Variants in STRADA observed in about 807,000 individuals in gnomAD.
STRADA encodes the protein STE20-related kinase adapter protein alpha.
In STRADA, 26 loss-of-function variants were observed where a neutral mutation model predicts 55.0. That is an observed-to-expected ratio of 0.47 (90% CI 0.35 to 0.66). The LOEUF is 0.66. Ranked by LOEUF, STRADA falls within the 30% of genes least tolerant of loss-of-function variation. The pLI is 0.01. For synonymous variants in STRADA, 197 were observed against 210.9 expected (o/e 0.93, Z 0.57); for missense variants, 443 against 549.7 (o/e 0.81, Z 1.94).
rs1333432538 is a variant in STRADA at position 63,706,750 on chromosome 17, A to T, written c.754-11T>A. The T allele has an allele frequency of 6.2e-7, 1 of 1,606,654 alleles. No individual in the cohort carries two copies. The highest frequency in any genetic ancestry group is 8.5e-7 in the Non-Finnish European group (1 of 1,174,120). ...ATAACCCTGGAGATTCTAAGCCAGA[A>T]AAAAAAGGCCACAGATTACCCCATT... On this transcript the variant is annotated splice_polypyrimidine_tract_variant and intron_variant, in intron 9 of 12. Transcript: ENST00000336174.
At chr17:63,723,752 T>C (rs530072369) in intron 3 of STRADA, 222 of 156,164 alleles carry the variant, frequency 1.4e-3, no homozygotes, top group Non-Finnish European at 2.5e-3. Context: ...AGAAAACATG[T>C]TTTTTCAAAA....
At chr17:63,721,149 G>A (rs564854939) in intron 4 of STRADA, among the ~76,000 whole-genome samples, 2 of 151,156 alleles carry the variant, frequency 1.3e-5, no homozygotes, top group South Asian at 2.1e-4. Context: ...CGAGGCAGGC[G>A]GATCACAAGG....
chr17:63,740,175 C>CACAT (rs2038834972), intron 1 of STRADA, among the ~76,000 whole-genome samples: 1 of 143,958 alleles, frequency 6.9e-6, no homozygotes, highest in African/African-American at 2.7e-5. Flanking sequence ...CACACACACA[C>CACAT]ACACACACAA....
rs1230074670 is a variant in STRADA, at chr17:63,726,696, C to A, written c.37-1G>T. On this transcript the variant is annotated splice_acceptor_variant, in intron 2 of 12. Coordinates refer to ENST00000336174, the MANE Select transcript of STRADA (RefSeq NM_001003787.4). LOFTEE classifies it high-confidence loss of function. ...CAATGAACTTTTCCGAGACCCACCG[C>A]TAAAGAGGAAAACCCCAAAGAGAAT... 6.2e-7 allele frequency: 1 copy of A among 1,614,044 alleles called. No individual in the cohort carries two copies.
chr17:63,740,562 A>G (rs2038867286), intron 1 of STRADA, among the ~76,000 whole-genome samples: 1 of 152,128 alleles, frequency 6.6e-6, no homozygotes, highest in Non-Finnish European at 1.5e-5. Flanking sequence ...CCCAGCAAAC[A>G]TTTATGGCAA....
chr17:63,721,813 G>A (rs1196786763), intron 4 of STRADA, among the ~76,000 whole-genome samples: 1 of 152,186 alleles, frequency 6.6e-6, no homozygotes, highest in Non-Finnish European at 1.5e-5. Context: ...CTAGTCCAGT[G>A]ATAGCAACTG....
intron 1 of STRADA, among the ~76,000 whole-genome samples, chr17:63,740,874 G>T (rs559275007): frequency 6.6e-6 from 1 of 152,334 alleles, no homozygotes; most frequent in South Asian, 2.1e-4. Context: ...ACTAAAGGCT[G>T]AATTCACAGG....
In STRADA at chr17:63,710,500, T is replaced by C; in HGVS notation, c.572A>G (p.Tyr191Cys). ...CCGCCTAAGAACGCACCTGTGTACA[T>C]ATCCCATGTGGTGGATGTAGTCGAG... ...KALDYIHHMG[Y>C]VHRSVKASHI... The change falls in exon 8 of 13, where the codon TAT (tyrosine) becomes TGT (cysteine). Residue 191 changes from tyrosine (Y) to cysteine (C), a missense_variant. Transcript: ENST00000336174. 3 of 1,613,736 alleles carry C rather than the reference T, an allele frequency of 1.9e-6. No individual in the cohort carries two copies. The highest frequency in any genetic ancestry group is 2.5e-6 in the Non-Finnish European group (3 of 1,179,856).
At chr17:63,739,769 T>TATACATATA in intron 1 of STRADA, among the ~76,000 whole-genome samples, 2 of 109,024 alleles carry the variant, frequency 1.8e-5, no homozygotes, top group African/African-American at 7.7e-5. Flanking sequence ...TTTATGTATA[T>TATACATATA]ATGTACATAT....
In STRADA at chr17:63,733,631, C is replaced by T. The variant is rs140644652; in HGVS notation, c.-44-5218G>A. ...GTCTGCTTACGTGGTTAGCCACTGG[C>T]TGGCATTGGGGAACTTGGATTTTGA... On this transcript the variant is annotated intron_variant, in intron 1 of 12. Transcript: ENST00000336174. Among the ~76,000 whole-genome samples the T allele has an allele frequency of 2.0e-5, 3 of 152,336 alleles. No individual in the cohort carries two copies. The East Asian group carries it at 5.8e-4, about 29-fold the overall frequency.
intron 4 of STRADA, 94 bp from the exon 5 acceptor site, chr17:63,714,202 G>T: frequency 1.2e-6 from 1 of 847,162 alleles, no homozygotes; most frequent in Non-Finnish European, 2.0e-6. Context: ...GAGGAGACTG[G>T]CATCTAAACA....
At chr17:63,713,307 G>C in intron 6 of STRADA, 99 bp downstream of exon 6, 4 of 1,504,166 alleles carry the variant, frequency 2.7e-6, no homozygotes, top group Non-Finnish European at 3.6e-6. Flanking sequence ...CATAACTTCC[G>C]AACGTTTAGT....
At chr17:63,722,726 G>T (rs2037395762) in intron 4 of STRADA, among the ~76,000 whole-genome samples, 1 of 152,182 alleles carries the variant, frequency 6.6e-6, no homozygotes, top group African/African-American at 2.4e-5. Context: ...GGTACACTGT[G>T]CACATCTGGT....
chr17:63,713,861 A>G, intron 5 of STRADA, 145 bp downstream of exon 5: 1 of 718,368 alleles, frequency 1.4e-6, no homozygotes, highest in Non-Finnish European at 2.4e-6. Context: ...AAAAAAACAG[A>G]GAAGACCCAC....
chr17:63,711,779 C>G (rs1225574757), intron 6 of STRADA, among the ~76,000 whole-genome samples: 1 of 151,908 alleles, frequency 6.6e-6, no homozygotes, highest in African/African-American at 2.4e-5. Flanking sequence ...ATGAAACATA[C>G]AAAAAATTAG....
chr17:63,705,087 A>G (rs2035994657), intron 10 of STRADA: 1 of 661,812 alleles, frequency 1.5e-6, no homozygotes, highest in Non-Finnish European at 2.7e-6. Context: ...GCTGTTCCAA[A>G]GTACCCCAAC....
intron 4 of STRADA, chr17:63,719,160 G>A (rs1407924615): frequency 6.6e-6 from 1 of 152,222 alleles, no homozygotes; most frequent in African/African-American, 2.4e-5. Context: ...TTGGTAACGG[G>A]TTCAGCATGA....
intron 9 of STRADA, 110 bp from the exon 10 acceptor site, chr17:63,706,849 G>T: frequency 1.3e-6 from 1 of 784,090 alleles, no homozygotes; most frequent in Non-Finnish European, 2.1e-6. Flanking sequence ...AGGACCTGCT[G>T]CTAATGACTC....
chr17:63,711,361 A>G (rs2036485626), intron 6 of STRADA, among the ~76,000 whole-genome samples: 1 of 151,648 alleles, frequency 6.6e-6, no homozygotes, highest in South Asian at 2.1e-4. Context: ...TTTCTTTTTT[A>G]TTTTTTTGAG....
Sources: gnomAD v4.1 joint callset for allele counts (sites outside exome capture counted in the v4.1 genomes callset) on GRCh38, gnomAD v4.1.1 for gene constraint, MANE v1.5 for transcripts, NCBI Gene and HGNC (gene_info 2026-07-23, HGNC 2026-07-21) for gene names.